CDKL5: variants seen among roughly 807,000 people sequenced by gnomAD.
CDKL5 encodes cyclin-dependent kinase-like 5.
A neutral mutation model predicts 61.7 loss-of-function variants in CDKL5; 8 were observed. That is an observed-to-expected ratio of 0.13 (90% CI 0.08 to 0.23). CDKL5 has a LOEUF of 0.23. Ranked by LOEUF, CDKL5 falls within the 10% of genes least tolerant of loss-of-function variation. The pLI, the probability that CDKL5 is intolerant of heterozygous loss-of-function variation, is 1.00. For synonymous variants in CDKL5, 275 were observed against 272.3 expected, an observed-to-expected ratio of 1.01 and a Z score of -0.10; for missense variants, 440 against 734.5, an observed-to-expected ratio of 0.60 and a Z score of 4.63.
At chrX:18,594,873 G>A (rs1057409982) in intron 9 of CDKL5, among the ~76,000 whole-genome samples, 3 of 112,169 alleles carry the variant, frequency 2.7e-5, no homozygotes, top group Non-Finnish European at 3.8e-5. Context: ...ACACCCAGTC[G>A]TAGTAATCCA....
chrX:18,518,210 T>C (rs923346678), intron 3 of CDKL5, among the ~76,000 whole-genome samples: 4 of 108,077 alleles, frequency 3.7e-5, no homozygotes, highest in African/African-American at 1.3e-4. Context: ...GTTCTAGGCA[T>C]GACATCATAA....
At chrX:18,563,111 A>G (rs942983661) in intron 3 of CDKL5, among the ~76,000 whole-genome samples, 2 of 111,780 alleles carry the variant, frequency 1.8e-5, no homozygotes, top group African/African-American at 6.5e-5. Flanking sequence ...ACCTGGAACA[A>G]TATTCATTTG....
At chrX:18,551,634 G>A (rs965781438) in intron 3 of CDKL5, among the ~76,000 whole-genome samples, 1 of 103,454 alleles carries the variant, frequency 9.7e-6, no homozygotes, top group Non-Finnish European at 2.0e-5. Flanking sequence ...TGCTCAGGCT[G>A]GAGCACAGTT....
At chrX:18,649,603 G>A (rs1188195930) in intron 20 of CDKL5, among the ~76,000 whole-genome samples, 1 of 111,679 alleles carries the variant, frequency 9.0e-6, no homozygotes, top group Non-Finnish European at 1.9e-5. Flanking sequence ...GGGTCTGAGG[G>A]TGAGGGCACA....
intron 1 of CDKL5, among the ~76,000 whole-genome samples, chrX:18,487,864 C>T (rs960152825): frequency 3.6e-5 from 4 of 110,401 alleles, no homozygotes; most frequent in African/African-American, 1.3e-4. Flanking sequence ...TGCAATGAGC[C>T]TAGATCCCCC....
chrX:18,633,036 G>T lies in CDKL5; in HGVS notation c.*4279G>T, dbSNP rs1221256580. The T allele has an allele frequency of 6.6e-6, 5 of 752,312 alleles. No homozygotes were observed. The African/African-American group carries it at 6.9e-5, about 10-fold the overall frequency. 62.0% of individuals were successfully genotyped at this position (752,312 alleles called of 1,213,427 possible). ...TGGTGACTGAACTCTTTCAGCAAGG[G>T]CAATGGCTCAATGTGATTCGGTGCT... On this transcript the variant is annotated 3_prime_UTR_variant, in exon 18 of 18. Transcript: ENST00000623535.
intron 4 of CDKL5, among the ~76,000 whole-genome samples, chrX:18,566,729 G>A (rs967292680): frequency 3.6e-5 from 4 of 112,039 alleles, no homozygotes; most frequent in Non-Finnish European, 5.6e-5. Flanking sequence ...CCTGAATGGA[G>A]ACATGGAACT....
intron 3 of CDKL5, among the ~76,000 whole-genome samples, chrX:18,557,464 A>G (rs935612071): frequency 1.8e-5 from 2 of 111,497 alleles, no homozygotes; most frequent in African/African-American, 6.5e-5. Context: ...GGCCCCCTCT[A>G]TATCCTCGTA....
At chrX:18,475,428 G>A (rs951103453) in intron 1 of CDKL5, among the ~76,000 whole-genome samples, 2 of 110,208 alleles carry the variant, frequency 1.8e-5, no homozygotes, top group Non-Finnish European at 3.8e-5. Context: ...CTGAGTAGCT[G>A]GGACCACAGG....
chrX:18,468,671 T>C (rs900210973), intron 1 of CDKL5, among the ~76,000 whole-genome samples: 17 of 112,501 alleles, frequency 1.5e-4, no homozygotes, highest in Admixed American at 1.4e-3. Context: ...AAGTGAATTA[T>C]TTTGTAAAAC....
chrX:18,587,740 C>T (rs765355193), intron 8 of CDKL5: 9 of 428,555 alleles, frequency 2.1e-5, no homozygotes, highest in Non-Finnish European at 3.6e-5. Context: ...TTAGTGTATA[C>T]TAACTAAATT....
Position 18,630,720 on chromosome X carries a change from G to A in CDKL5, c.*1963G>A, listed in dbSNP as rs954276401. ...TGTAATAGGCACTAAAATGAAACTC[G>A]ACTGGGTACTATTACTGAAAAAATT... On this transcript the variant is annotated 3_prime_UTR_variant, in exon 18 of 18. Coordinates refer to ENST00000623535, the MANE Select transcript of CDKL5 (RefSeq NM_001323289.2). The A allele has an allele frequency of 1.3e-6, 1 of 749,232 alleles. No homozygotes were observed. The highest frequency in any genetic ancestry group is 1.6e-6 in the Non-Finnish European group (1 of 636,066). The allele number at this position is 749,232 out of a possible 1,213,427, so 61.7% of individuals were successfully genotyped here.
chrX:18,459,920 T>G (rs1932240137), intron 1 of CDKL5, among the ~76,000 whole-genome samples: 1 of 107,677 alleles, frequency 9.3e-6, no homozygotes, highest in Non-Finnish European at 1.9e-5. Context: ...TTGCCCAGGC[T>G]GGAGTGCAAT....
rs1451214639 is a variant in CDKL5, at chrX:18,541,325, A to G, written c.100-23152A>G. ...TGACATGAATATTAGGTCTTTTGTT[A>G]TAGTGCCACATGTCTCTGAGTCTCT... is the stretch of plus-strand genomic sequence containing the variant. On this transcript the variant is annotated intron_variant, in intron 3 of 17. Transcript: ENST00000623535. Among the ~76,000 whole-genome samples the G allele has an allele frequency of 2.7e-5, 3 of 111,667 alleles. No individual in the cohort carries two copies. In the East Asian group the frequency reaches 8.4e-4, roughly 31 times the overall value.
intron 1 of CDKL5, among the ~76,000 whole-genome samples, chrX:18,500,534 A>G (rs776397683): frequency 9.0e-6 from 1 of 111,501 alleles, no homozygotes; most frequent in Non-Finnish European, 1.9e-5. Flanking sequence ...GATTGCTTTG[A>G]TTTTAGCCAG....
In CDKL5 at chrX:18,639,832, A is replaced by G. The variant is rs1569227912; in HGVS notation, c.*11075A>G. 1 of 112,382 alleles carries G rather than the reference A, an allele frequency of 8.9e-6. No individual in the cohort carries two copies. Among genetic ancestry groups the G allele is most frequent in the Non-Finnish European group, 1.9e-5 (1 of 53,315 alleles). 9.3% of individuals were successfully genotyped at this position (112,382 alleles called of 1,213,427 possible). ...TGTTCAGCAATAAAAAGGAGTGACA[A>G]GTGACATAGTGATACACATGTTATA... On this transcript the variant is annotated 3_prime_UTR_variant, in exon 18 of 18. Transcript: ENST00000623535.
rs1420698196 is a variant in CDKL5, at chrX:18,609,529, A to C, written c.2111A>C (p.Tyr704Ser). 1 of 1,212,004 alleles carries C rather than the reference A, an allele frequency of 8.3e-7. No homozygotes were observed. Among genetic ancestry groups the C allele is most frequent in the South Asian group, 1.8e-5 (1 of 57,005 alleles). Residue 704 changes from tyrosine to serine, a missense_variant, in exon 14 of 18, where the codon TAC (tyrosine) becomes TCC (serine). This residue lies in a region of CDKL5 where 363 missense variants were observed against 516.3 expected (regional missense o/e 0.70). Transcript: ENST00000623535. ...GTAPKENRHL[Y>S]NDPVPRRVGS... Reference sequence around the variant, plus strand: ...GCCCCCAAAGAAAATAGACACCTATACAATGATCCTGTGCCAAGGAGAGTT... The same window carrying C: ...GCCCCCAAAGAAAATAGACACCTATCCAATGATCCTGTGCCAAGGAGAGTT...
intron 21 of CDKL5, chrX:18,653,357 G>T: frequency 8.5e-7 from 1 of 1,180,433 alleles, no homozygotes; most frequent in Non-Finnish European, 1.1e-6. Context: ...TGGGGGGCCC[G>T]GGCATTAGCC....
chrX:18,481,208 CT>C (rs750801692), intron 1 of CDKL5, among the ~76,000 whole-genome samples: 1 of 108,019 alleles, frequency 9.3e-6, no homozygotes. Context: ...CTCTCTCTCT[CT>C]TTTTTTTTAA....
Sources: gnomAD v4.1 joint callset for allele counts (sites outside exome capture counted in the v4.1 genomes callset) on GRCh38, gnomAD v4.1.1 for gene constraint, gnomAD v4.1.1 regional missense constraint, MANE v1.5 for transcripts, NCBI Gene and HGNC (gene_info 2026-07-23, HGNC 2026-07-21) for gene names.